Variants in PTP4A2 observed in about 807,000 individuals in gnomAD.
PTP4A2 encodes protein tyrosine phosphatase type IVA 2.
In PTP4A2, 2 loss-of-function variants were observed where a neutral mutation model predicts 22.9. The observed-to-expected ratio is 0.09, with a 90% confidence interval of 0.04 to 0.27. PTP4A2 has a LOEUF of 0.27. PTP4A2 is among the 10% of genes least tolerant of loss of function. The pLI, the probability that PTP4A2 is intolerant of heterozygous loss-of-function variation, is 1.00. For missense variants in PTP4A2, 103 were observed against 205.1 expected, an observed-to-expected ratio of 0.50 and a Z score of 3.04; for synonymous variants, 68 against 69.1, an observed-to-expected ratio of 0.98 and a Z score of 0.08.
At chr1:31,913,071 G>GC in intron 3 of PTP4A2, 1 of 431,284 alleles carries the variant, frequency 2.3e-6, no homozygotes. Flanking sequence ...CATATAAGTA[G>GC]TGTCTATTTT....
chr1:31,929,506 G>A (rs1652628237), intron 1 of PTP4A2, among the ~76,000 whole-genome samples: 1 of 152,136 alleles, frequency 6.6e-6, no homozygotes, highest in South Asian at 2.1e-4. Flanking sequence ...AGACTCCCAA[G>A]CCCCTTTATT....
chr1:31,914,431 G>T (rs368525405), intron 3 of PTP4A2: 11 of 366,422 alleles, frequency 3.0e-5, no homozygotes, highest in African/African-American at 1.7e-4. Flanking sequence ...TGGACATGAG[G>T]AAACTATGGA....
rs573370590 is a variant in PTP4A2 at position 31,920,312 on chromosome 1, G to A, written c.-593-654C>T. Reference sequence around the variant, plus strand: ...TACAAAATTAGCCAGGCATGGTGGCGCATGCCTGTAATCCCAGCTACTTGG... The same window carrying A: ...TACAAAATTAGCCAGGCATGGTGGCACATGCCTGTAATCCCAGCTACTTGG... On this transcript the variant is annotated intron_variant, in intron 1 of 5. Transcript: ENST00000647444. Among the ~76,000 whole-genome samples the A allele has an allele frequency of 1.1e-4, 17 of 150,248 alleles. No individual in the cohort carries two copies. The South Asian group carries it at 2.3e-3, about 20-fold the overall frequency.
intron 1 of PTP4A2, among the ~76,000 whole-genome samples, chr1:31,932,095 T>C (rs893998761): frequency 1.3e-5 from 2 of 152,338 alleles, no homozygotes; most frequent in South Asian, 2.1e-4. Flanking sequence ...ACAGACCTGA[T>C]TGTGAATTTG....
chr1:31,916,084 G>T, intron 2 of PTP4A2, 97 bp from the exon 3 acceptor site: 1 of 754,594 alleles, frequency 1.3e-6, no homozygotes, highest in Non-Finnish European at 2.1e-6. Flanking sequence ...GGTGGTTCAC[G>T]CCTATAATCC....
At chr1:31,936,760 A>G (rs1455245202) in intron 1 of PTP4A2, among the ~76,000 whole-genome samples, 1 of 152,218 alleles carries the variant, frequency 6.6e-6, no homozygotes, top group African/African-American at 2.4e-5. Context: ...TGAAGCCCTG[A>G]TAATGTGTCA....
intron 1 of PTP4A2, among the ~76,000 whole-genome samples, chr1:31,927,327 GAAC>G (rs1394047702): frequency 1.3e-5 from 2 of 152,158 alleles, no homozygotes; most frequent in African/African-American, 2.4e-5. Context: ...TCAAAGAGGG[GAAC>G]AACAGACACT....
intron 1 of PTP4A2, among the ~76,000 whole-genome samples, chr1:31,935,253 G>A (rs1384307577): frequency 6.6e-6 from 1 of 152,054 alleles, no homozygotes; most frequent in Non-Finnish European, 1.5e-5. Context: ...TATCCCAGGT[G>A]CCTCATAAAA....
At chr1:31,915,072 C>T (rs1651754535) in intron 3 of PTP4A2, among the ~76,000 whole-genome samples, 1 of 152,106 alleles carries the variant, frequency 6.6e-6, no homozygotes, top group Admixed American at 6.5e-5. Context: ...TTAAGAATGT[C>T]TGATGGAAAT....
chr1:31,926,733 T>G (rs1013081460), intron 1 of PTP4A2, among the ~76,000 whole-genome samples: 9 of 152,134 alleles, frequency 5.9e-5, no homozygotes, highest in African/African-American at 2.2e-4. Context: ...AAATTTCTGT[T>G]GGGATGGATC....
At chr1:31,912,204 A>T (rs1651571707) in intron 3 of PTP4A2, among the ~76,000 whole-genome samples, 1 of 152,254 alleles carries the variant, frequency 6.6e-6, no homozygotes, top group African/African-American at 2.4e-5. Context: ...TGTCAACATG[A>T]TTTAAAAGTC....
chr1:31,921,630 A>T (rs1157245869), intron 1 of PTP4A2: 1 of 152,188 alleles, frequency 6.6e-6, no homozygotes, highest in Non-Finnish European at 1.5e-5. Context: ...AAAAGGGACA[A>T]AGCTTAAGTT....
At chr1:31,920,322 A>G (rs1204208942) in intron 1 of PTP4A2, among the ~76,000 whole-genome samples, 1 of 151,038 alleles carries the variant, frequency 6.6e-6, no homozygotes, top group African/African-American at 2.4e-5. Context: ...GCATGCCTGT[A>G]ATCCCAGCTA....
At chr1:31,910,996 T>C (rs966704440) in intron 4 of PTP4A2, 3 of 152,262 alleles carry the variant, frequency 2.0e-5, no homozygotes, top group African/African-American at 7.2e-5. Flanking sequence ...GGATAGCTAC[T>C]AGTTATAAAA....
intron 1 of PTP4A2, among the ~76,000 whole-genome samples, chr1:31,929,558 C>G (rs1167918122): frequency 6.6e-6 from 1 of 152,162 alleles, no homozygotes; most frequent in Non-Finnish European, 1.5e-5. Context: ...ACTTTGGTAA[C>G]CTTCTTAAGA....
intron 3 of PTP4A2, among the ~76,000 whole-genome samples, chr1:31,912,064 T>TA (rs1304627728): frequency 6.6e-6 from 1 of 152,204 alleles, no homozygotes; most frequent in Non-Finnish European, 1.5e-5. Context: ...TACAAAAACT[T>TA]ACAGAAATCT....
rs1347459943 is a variant in PTP4A2 at position 31,908,775 on chromosome 1, T to G, written c.*77A>C. 4 of 998,286 alleles carry G rather than the reference T, an allele frequency of 4.0e-6. No individual in the cohort carries two copies. The African/African-American group carries it at 6.4e-5, about 16-fold the overall frequency. 61.8% of individuals were successfully genotyped at this position (998,286 alleles called of 1,614,324 possible). ...CACTACTTTGATGACACAGGTAATA[T>G]TCCAGATTCACATTTCCAGGTACCA... On this transcript the variant is annotated 3_prime_UTR_variant, in exon 6 of 6. Transcript: ENST00000647444.
rs1651267022 is a variant in PTP4A2, at chr1:31,907,986, C to A, written c.*866G>T. On this transcript the variant is annotated 3_prime_UTR_variant, in exon 6 of 6. Transcript: ENST00000647444. ...AGAGACTCCTCTTAAAATGCCATTT[C>A]TCCACTAATTTATCAAAATAAAAAC... 1 of 150,082 alleles carries A rather than the reference C, an allele frequency of 6.7e-6. No homozygotes were observed. The highest frequency in any genetic ancestry group is 6.7e-5 in the Admixed American group (1 of 14,916). 9.3% of individuals were successfully genotyped at this position (150,082 alleles called of 1,614,324 possible).
Position 31,906,729 on chromosome 1 carries a change from TGC to T in PTP4A2, c.*2121_*2122del, listed in dbSNP as rs1398093659. 50 of 145,432 alleles carry T rather than the reference TGC, an allele frequency of 3.4e-4. No homozygotes were observed. The highest frequency in any genetic ancestry group is 1.3e-3 in the African/African-American group (50 of 38,888). 9.0% of individuals were successfully genotyped at this position (145,432 alleles called of 1,614,324 possible). A position where few individuals can be genotyped will look rare whatever the true frequency, so the allele number is the denominator to read the frequency against. On this transcript the variant is annotated 3_prime_UTR_variant, in exon 6 of 6. Transcript: ENST00000647444. ...GGCAGGCACTGATACTGATGGACACTGCGCGTGCACACACACACACACACATA... is the reference window on the plus strand; with the variant it reads ...GGCAGGCACTGATACTGATGGACACTGCGTGCACACACACACACACACATA...
Sources: allele counts gnomAD v4.1 joint callset (sites outside exome capture counted in the v4.1 genomes callset), GRCh38; gene constraint gnomAD v4.1.1; transcripts MANE v1.5; gene names NCBI Gene and HGNC (gene_info 2026-07-23, HGNC 2026-07-21).